SPIDR: variants seen among roughly 807,000 people sequenced by gnomAD.
SPIDR encodes scaffold protein involved in DNA repair.
A neutral mutation model predicts 104.6 loss-of-function variants in SPIDR; 93 were observed. The ratio of observed to expected loss-of-function variants is 0.89; its 90% CI spans 0.75 to 1.06. The LOEUF (loss-of-function observed/expected upper bound fraction) is 1.06. Among genes scored for constraint, SPIDR ranks in the 50% least tolerant of loss-of-function variants. SPIDR has a pLI of 0.00. For missense variants in SPIDR, 1,154 were observed against 1,111.2 expected (o/e 1.04, Z -0.55); for synonymous variants, 431 against 416.9 (o/e 1.03, Z -0.41).
chr8:47,697,161 C>T (rs2079448449), intron 11 of SPIDR, among the ~76,000 whole-genome samples: 1 of 151,814 alleles, frequency 6.6e-6, no homozygotes, highest in African/African-American at 2.4e-5. Context: ...TTCATTGACT[C>T]GTGACATGTC....
intron 8 of SPIDR, among the ~76,000 whole-genome samples, chr8:47,529,884 T>C (rs1436095478): frequency 1.3e-5 from 2 of 152,214 alleles, no homozygotes; most frequent in Non-Finnish European, 2.9e-5. Flanking sequence ...AAAAGTGGAC[T>C]TGAATTACTT....
chr8:47,615,992 T>C (rs898992463), intron 10 of SPIDR, among the ~76,000 whole-genome samples: 5 of 152,172 alleles, frequency 3.3e-5, no homozygotes, highest in Non-Finnish European at 7.3e-5. Flanking sequence ...ATTGCTAGTG[T>C]ATAAAAAAAA....
intron 10 of SPIDR, among the ~76,000 whole-genome samples, chr8:47,623,600 A>G (rs1160411629): frequency 6.6e-6 from 1 of 152,212 alleles, no homozygotes; most frequent in African/African-American, 2.4e-5. Context: ...AGTCTCTGAT[A>G]AAACAGACTT....
At chr8:47,283,869 AAGG>A (rs1262185034) in intron 2 of SPIDR, among the ~76,000 whole-genome samples, 156 bp from the exon 3 acceptor site, 1 of 152,232 alleles carries the variant, frequency 6.6e-6, no homozygotes, top group Non-Finnish European at 1.5e-5. Context: ...ATAAATATAT[AAGG>A]AGTACATGCT....
In SPIDR at chr8:47,355,363, G is replaced by A. The variant is rs890797709; in HGVS notation, c.526-41013G>A. On this transcript the variant is annotated intron_variant, in intron 5 of 19. Transcript: ENST00000297423. ...CTCATGTCTGGTAATTAGCATTTTT[G>A]TGATCATTCATTATGTCCGTATTCA... 7.0e-5 allele frequency among the ~76,000 whole-genome samples: 8 copies of A among 113,774 alleles called. No individual in the cohort carries two copies. In the East Asian group the frequency reaches 2.1e-3, roughly 30 times the overall value. 74.6% of individuals were successfully genotyped at this position (113,774 alleles called of 152,430 possible). A position where few individuals can be genotyped will look rare whatever the true frequency, so the allele number is the denominator to read the frequency against.
chr8:47,710,808 C>A (rs1485026450), intron 14 of SPIDR, among the ~76,000 whole-genome samples: 1 of 151,278 alleles, frequency 6.6e-6, no homozygotes, highest in Non-Finnish European at 1.5e-5. Context: ...AGAAGGCGGT[C>A]TTGTTCTGTC....
chr8:47,386,130 A>G (rs2059879076), intron 5 of SPIDR, among the ~76,000 whole-genome samples: 1 of 151,482 alleles, frequency 6.6e-6, no homozygotes, highest in South Asian at 2.1e-4. Flanking sequence ...TATTATTTTT[A>G]TATGCAATCT....
At chr8:47,485,424 C>T (rs746753131) in intron 8 of SPIDR, among the ~76,000 whole-genome samples, 8 of 152,202 alleles carry the variant, frequency 5.3e-5, no homozygotes, top group East Asian at 1.9e-4. Flanking sequence ...TCCACCTCTG[C>T]GGGCAGGGCA....
chr8:47,583,014 C>A (rs2059888575), intron 8 of SPIDR, among the ~76,000 whole-genome samples: 1 of 151,932 alleles, frequency 6.6e-6, no homozygotes, highest in African/African-American at 2.4e-5. Context: ...TGTAACTCTT[C>A]CACATTTTAG....
At chr8:47,702,489 C>G (rs967340610) in intron 14 of SPIDR, among the ~76,000 whole-genome samples, 26 of 152,178 alleles carry the variant, frequency 1.7e-4, no homozygotes, top group African/African-American at 6.0e-4. Flanking sequence ...AAACTGAAAG[C>G]CCCCCCATCC....
chr8:47,385,056 T>C (rs1554647340), intron 5 of SPIDR, among the ~76,000 whole-genome samples: 1 of 152,078 alleles, frequency 6.6e-6, no homozygotes, highest in Non-Finnish European at 1.5e-5. Context: ...CTACTTTTAA[T>C]TTACTAAATT....
At chr8:47,547,518 C>T in intron 8 of SPIDR, 1 of 186,444 alleles carries the variant, frequency 5.4e-6, no homozygotes, top group South Asian at 9.4e-5. Flanking sequence ...CCTCCGCCTC[C>T]TGGGTTTAAG....
intron 19 of SPIDR, among the ~76,000 whole-genome samples, chr8:47,730,955 C>T (rs1312676192): frequency 6.6e-6 from 1 of 152,184 alleles, no homozygotes; most frequent in Non-Finnish European, 1.5e-5. Context: ...TACCTGCAAG[C>T]TCTAAAGAGT....
chr8:47,415,677 C>G (rs958353318), intron 7 of SPIDR, among the ~76,000 whole-genome samples: 1 of 152,208 alleles, frequency 6.6e-6, no homozygotes, highest in Admixed American at 6.5e-5. Flanking sequence ...TAGGCTCTCA[C>G]TAGGCACAGA....
At chr8:47,567,072 A>T (rs2057945850) in intron 8 of SPIDR, among the ~76,000 whole-genome samples, 1 of 152,202 alleles carries the variant, frequency 6.6e-6, no homozygotes. Flanking sequence ...GATTTTAAAT[A>T]TGCAAGTACA....
At chr8:47,389,479 G>C (rs1017449698) in intron 5 of SPIDR, among the ~76,000 whole-genome samples, 2 of 151,994 alleles carry the variant, frequency 1.3e-5, no homozygotes, top group African/African-American at 4.8e-5. Context: ...CACGAGGTCA[G>C]GAGATCAAGA....
intron 5 of SPIDR, among the ~76,000 whole-genome samples, chr8:47,393,254 C>G (rs1323693152): frequency 6.6e-6 from 1 of 152,230 alleles, no homozygotes; most frequent in Admixed American, 6.5e-5. Flanking sequence ...ATTTGGTCCT[C>G]AAGTGTTATT....
chr8:47,567,992 G>A (rs185843321), intron 8 of SPIDR, among the ~76,000 whole-genome samples: 88 of 151,824 alleles, frequency 5.8e-4, no homozygotes, highest in African/African-American at 2.0e-3. Flanking sequence ...TCTCATACTG[G>A]CTTTGAACTC....
chr8:47,536,545 G>A (rs1270933222), intron 8 of SPIDR, among the ~76,000 whole-genome samples: 1 of 152,128 alleles, frequency 6.6e-6, no homozygotes, highest in African/African-American at 2.4e-5. Flanking sequence ...AAGAAATTGT[G>A]CTGGAACACC....
Sources: allele counts gnomAD v4.1 joint callset (sites outside exome capture counted in the v4.1 genomes callset), GRCh38; gene constraint gnomAD v4.1.1; transcripts MANE v1.5; gene names NCBI Gene and HGNC (gene_info 2026-07-23, HGNC 2026-07-21).